Variants in COG5 observed in about 807,000 individuals in gnomAD.
COG5 encodes component of oligomeric golgi complex 5.
COG5 carries 86 observed loss-of-function variants against 110.4 expected under a neutral mutation model. The ratio of observed to expected loss-of-function variants is 0.78; its 90% CI spans 0.65 to 0.93. The LOEUF (loss-of-function observed/expected upper bound fraction) is 0.93, where lower values mean the gene tolerates loss of function less well. Ranked by LOEUF, COG5 falls within the 40% of genes least tolerant of loss-of-function variation. COG5 has a pLI of 0.00. For synonymous variants in COG5, 360 were observed against 334.6 expected (o/e 1.08, Z -0.83); for missense variants, 1,077 against 987.0 (o/e 1.09, Z -1.22).
intron 8 of COG5, among the ~76,000 whole-genome samples, chr7:107,364,642 T>C (rs921710981): frequency 3.3e-5 from 5 of 152,190 alleles, no homozygotes; most frequent in Non-Finnish European, 5.9e-5. Flanking sequence ...GAACTCATCA[T>C]TGGTTAGTCA....
chr7:107,353,311 G>T (rs1812327759), intron 10 of COG5, among the ~76,000 whole-genome samples: 1 of 151,350 alleles, frequency 6.6e-6, no homozygotes. Context: ...TGTAGTCCCA[G>T]CTACTTGGGA....
intron 12 of COG5, among the ~76,000 whole-genome samples, chr7:107,294,619 G>T (rs570420106): frequency 2.5e-4 from 38 of 151,212 alleles, no homozygotes; most frequent in Admixed American, 1.3e-3. Context: ...TTTCCTCTCT[G>T]ATCCAATCTT....
At chr7:107,206,909 G>C (rs1226689812) in intron 21 of COG5, among the ~76,000 whole-genome samples, 1 of 152,120 alleles carries the variant, frequency 6.6e-6, no homozygotes, top group Non-Finnish European at 1.5e-5. Flanking sequence ...TTGGAAGTCA[G>C]GCCAAGTGTT....
At chr7:107,440,040 A>G (rs1794615022) in intron 6 of COG5, among the ~76,000 whole-genome samples, 1 of 152,220 alleles carries the variant, frequency 6.6e-6, no homozygotes, top group Non-Finnish European at 1.5e-5. Context: ...GGTAGTGGAA[A>G]GGTAGGCCGA....
intron 19 of COG5, among the ~76,000 whole-genome samples, chr7:107,226,802 C>T (rs1267001667): frequency 6.6e-6 from 1 of 152,074 alleles, no homozygotes; most frequent in African/African-American, 2.4e-5. Context: ...TGTATCAGTC[C>T]CATCAAACAA....
intron 7 of COG5, among the ~76,000 whole-genome samples, chr7:107,374,342 A>G (rs925038337): frequency 5.4e-4 from 82 of 152,236 alleles, no homozygotes; most frequent in African/African-American, 1.8e-3. Flanking sequence ...AATCCAAGAA[A>G]GCACTACTGG....
chr7:107,239,602 A>G lies in COG5; in HGVS notation c.1854-2915T>C, dbSNP rs552914147. ...ATGAACACAGAATATGTTTCCATTTATTTGTGTTTTTGTTGATTTCTTTCA... is the reference window on the plus strand; with the variant it reads ...ATGAACACAGAATATGTTTCCATTTGTTTGTGTTTTTGTTGATTTCTTTCA... On this transcript the variant is annotated intron_variant, in intron 17 of 21. Coordinates refer to ENST00000297135, the MANE Select transcript of COG5 (RefSeq NM_006348.5). Among the ~76,000 whole-genome samples, 9 of 152,076 alleles carry G rather than the reference A, an allele frequency of 5.9e-5. No individual in the cohort carries two copies. In the South Asian group the frequency reaches 1.9e-3, roughly 32 times the overall value.
chr7:107,419,718 C>T (rs1011563731), intron 6 of COG5, among the ~76,000 whole-genome samples: 1 of 152,106 alleles, frequency 6.6e-6, no homozygotes, highest in Non-Finnish European at 1.5e-5. Flanking sequence ...CAGGCATCTA[C>T]CACCATGCCC....
chr7:107,531,458 A>G (rs199605817), intron 5 of COG5, among the ~76,000 whole-genome samples: 1 of 130,212 alleles, frequency 7.7e-6, no homozygotes, highest in Non-Finnish European at 1.7e-5. Flanking sequence ...GTCATTTTGT[A>G]TTTATAAGCA....
intron 6 of COG5, among the ~76,000 whole-genome samples, chr7:107,444,755 C>CA (rs1794908263): frequency 6.6e-6 from 1 of 152,132 alleles, no homozygotes; most frequent in Admixed American, 6.5e-5. Context: ...AGAAACACAT[C>CA]AAAATTGAAT....
intron 10 of COG5, among the ~76,000 whole-genome samples, chr7:107,331,833 C>T (rs949570009): frequency 1.4e-5 from 2 of 147,416 alleles, no homozygotes; most frequent in Non-Finnish European, 3.0e-5. Flanking sequence ...GATGACCCTG[C>T]TTGCCTCTTT....
chr7:107,238,351 C>G (rs1201204762), intron 17 of COG5, among the ~76,000 whole-genome samples: 2 of 152,134 alleles, frequency 1.3e-5, no homozygotes, highest in Non-Finnish European at 2.9e-5. Flanking sequence ...GGATGGTATT[C>G]CATTGTGTAT....
intron 12 of COG5, among the ~76,000 whole-genome samples, chr7:107,295,066 C>CACACACATATATATATAT (rs1366898060): frequency 2.2e-5 from 1 of 45,842 alleles, no homozygotes; most frequent in African/African-American, 9.0e-5. Flanking sequence ...CACACACACA[C>CACACACATATATATATAT]ATATATATAT....
chr7:107,412,557 CGGG>C lies in COG5; in HGVS notation c.611_613del (p.Ala204_Arg205delinsGly), dbSNP rs1563018534. 9.3e-6 allele frequency: 15 copies of C among 1,612,114 alleles called. No homozygotes were observed. The highest frequency in any genetic ancestry group is 1.7e-5 in the Admixed American group (1 of 59,984). ...CTTAGCTTGATTTTCCACTTCAAGT[CGGG>C]CTCTTGCAATAAAAAGTAGATCATT... On this transcript the variant is annotated inframe_deletion, in exon 7 of 22. Coordinates refer to ENST00000297135, the MANE Select transcript of COG5 (RefSeq NM_006348.5).
At chr7:107,320,083 G>A (rs532657130) in intron 11 of COG5, among the ~76,000 whole-genome samples, 1 of 152,302 alleles carries the variant, frequency 6.6e-6, no homozygotes, top group African/African-American at 2.4e-5. Context: ...ATGCAGGCAA[G>A]CTTAGGGCTA....
chr7:107,268,910 T>C (rs1012131521), intron 14 of COG5, among the ~76,000 whole-genome samples: 25 of 152,330 alleles, frequency 1.6e-4, no homozygotes, highest in South Asian at 1.4e-3. Flanking sequence ...AATTCAGCCA[T>C]TGATTCTATG....
chr7:107,558,460 T>C (rs909581211), intron 1 of COG5, among the ~76,000 whole-genome samples: 1 of 151,760 alleles, frequency 6.6e-6, no homozygotes, highest in African/African-American at 2.4e-5. Context: ...AAAAATTAGC[T>C]GGGCATCATG....
chr7:107,516,128 A>G (rs1402569484), intron 6 of COG5, among the ~76,000 whole-genome samples: 1 of 152,254 alleles, frequency 6.6e-6, no homozygotes, highest in Non-Finnish European at 1.5e-5. Context: ...AATAACCTGC[A>G]TTAAAAAGTA....
At chr7:107,346,528 A>G (rs139431611) in intron 10 of COG5, among the ~76,000 whole-genome samples, 2,240 of 152,076 alleles carry the variant, frequency 0.015, 54 homozygotes, top group African/African-American at 0.052. Context: ...TCATACGGTG[A>G]TTTTTTTTAA....
Sources: gnomAD v4.1 joint callset for allele counts (sites outside exome capture counted in the v4.1 genomes callset) on GRCh38, gnomAD v4.1.1 for gene constraint, MANE v1.5 for transcripts, NCBI Gene and HGNC (gene_info 2026-07-23, HGNC 2026-07-21) for gene names.